Variants in TRIM71 observed in about 807,000 individuals in gnomAD.
TRIM71 encodes tripartite motif containing 71.
Under a neutral mutation model 61.2 loss-of-function variants are expected in TRIM71, and 9 were observed. The observed-to-expected ratio is 0.15, with a 90% CI of 0.09 to 0.26. TRIM71 has a LOEUF of 0.26. TRIM71 is among the 10% of genes least tolerant of loss of function. The pLI is 1.00. For missense variants in TRIM71, 998 were observed against 1,238.7 expected (o/e 0.81, Z 2.92); for synonymous variants, 645 against 553.2 (o/e 1.17, Z -2.33).
Position 32,891,996 on chromosome 3 carries a change from AT to A in TRIM71, c.*192del. 6.3e-6 allele frequency: 5 copies of A among 793,032 alleles called. No individual in the cohort carries two copies. Among genetic ancestry groups the A allele is most frequent in the Non-Finnish European group, 9.3e-6 (5 of 537,944 alleles). 49.1% of individuals were successfully genotyped at this position (793,032 alleles called of 1,614,324 possible). A position where few individuals can be genotyped will look rare whatever the true frequency, so the allele number is the denominator to read the frequency against. On this transcript the variant is annotated 3_prime_UTR_variant, in exon 4 of 4. Coordinates refer to ENST00000383763, the MANE Select transcript of TRIM71 (RefSeq NM_001039111.3). This position sits in a 1 kb window ranked among gnomAD's most constrained non-coding sequence, Gnocchi z 8.2. ...ATTGCTTAAGTCCTACCTCATCTTT[AT>A]TTTTTTACAGATGAATGTACTTATC...
At chr3:32,845,807 G>C (rs887879770) in intron 1 of TRIM71, among the ~76,000 whole-genome samples, 1 of 151,486 alleles carries the variant, frequency 6.6e-6, no homozygotes, top group African/African-American at 2.4e-5. Context: ...TGCAACCTCC[G>C]CCTCCCGGGT....
rs1255639911 is a variant in TRIM71 at position 32,858,930 on chromosome 3, C to T, written c.853-14888C>T. ...AAGAGCTTGTGAATTTTCTTTTTCC[C>T]ACCATAGCAGGTCTGGCTTTTCCCA... On this transcript the variant is annotated intron_variant, in intron 1 of 3. Transcript: ENST00000383763. Among the ~76,000 whole-genome samples the T allele has an allele frequency of 2.6e-5, 4 of 152,218 alleles. No individual in the cohort carries two copies. The East Asian group carries it at 7.7e-4, about 29-fold the overall frequency.
chr3:32,862,560 C>T (rs984045730), intron 1 of TRIM71, among the ~76,000 whole-genome samples: 10 of 152,226 alleles, frequency 6.6e-5, no homozygotes, highest in African/African-American at 2.4e-4. Flanking sequence ...ATGTCAGCCC[C>T]AAAGTACCAC....
Position 32,895,558 on chromosome 3 carries a change from T to C in TRIM71, c.*3747T>C, listed in dbSNP as rs1468659031. 1 of 152,180 alleles carries C rather than the reference T, an allele frequency of 6.6e-6. No individual in the cohort carries two copies. Among genetic ancestry groups the C allele is most frequent in the African/African-American group, 2.4e-5 (1 of 41,440 alleles). 9.4% of individuals were successfully genotyped at this position (152,180 alleles called of 1,614,324 possible). A position where few individuals can be genotyped will look rare whatever the true frequency, so the allele number is the denominator to read the frequency against. On this transcript the variant is annotated 3_prime_UTR_variant, in exon 4 of 4. Coordinates refer to ENST00000383763, the MANE Select transcript of TRIM71 (RefSeq NM_001039111.3). ...TAGGTGGTGAAAGATATGCCAAAGT[T>C]TTAGGCTTGTTTTTCTGATCTTATT...
intron 1 of TRIM71, among the ~76,000 whole-genome samples, chr3:32,871,920 G>A (rs1484167414): frequency 6.6e-6 from 1 of 152,220 alleles, no homozygotes; most frequent in Non-Finnish European, 1.5e-5. Context: ...AAGGTGGGTG[G>A]ATCACGAGGT....
intron 1 of TRIM71, among the ~76,000 whole-genome samples, chr3:32,832,736 TTTTCTACTTC>T (rs1322167620): frequency 6.6e-6 from 1 of 152,158 alleles, no homozygotes; most frequent in Non-Finnish European, 1.5e-5. Flanking sequence ...TTACCTAATT[TTTTCTACTTC>T]TTTCAACATC....
intron 1 of TRIM71, among the ~76,000 whole-genome samples, chr3:32,864,701 C>T (rs1045019386): frequency 3.9e-5 from 6 of 152,204 alleles, no homozygotes; most frequent in African/African-American, 7.2e-5. Flanking sequence ...GGCTCAGGTC[C>T]GGTGTAGAGT....
At chr3:32,837,575 T>C (rs1696349344) in intron 1 of TRIM71, among the ~76,000 whole-genome samples, 1 of 152,156 alleles carries the variant, frequency 6.6e-6, no homozygotes. Flanking sequence ...ATCCCAGCAC[T>C]TTGGGAAGCC....
chr3:32,874,726 A>G (rs1314962040), intron 2 of TRIM71, among the ~76,000 whole-genome samples: 1 of 151,636 alleles, frequency 6.6e-6, no homozygotes, highest in African/African-American at 2.4e-5. Context: ...GTTTCACCAC[A>G]TTGGCCAGGC....
intron 1 of TRIM71, among the ~76,000 whole-genome samples, chr3:32,839,532 G>A (rs986112844): frequency 3.9e-5 from 6 of 151,998 alleles, no homozygotes; most frequent in Admixed American, 3.3e-4. Flanking sequence ...CCCGGAAGAC[G>A]TGATGTTACC....
chr3:32,849,200 G>C (rs927142928), intron 1 of TRIM71, among the ~76,000 whole-genome samples: 4 of 152,150 alleles, frequency 2.6e-5, no homozygotes, highest in Non-Finnish European at 4.4e-5. Flanking sequence ...CAGTCTTGTG[G>C]AGCTACTACT....
chr3:32,896,268 G>A lies in TRIM71; in HGVS notation c.*4457G>A, dbSNP rs1172679079. On this transcript the variant is annotated 3_prime_UTR_variant, in exon 4 of 4. Coordinates refer to ENST00000383763, the MANE Select transcript of TRIM71 (RefSeq NM_001039111.3). ...CTTGGAAACATCAAATATTTGAAGG[G>A]AATGAGAATCCTCTTGACTTCATGA... 6.6e-6 allele frequency: 1 copy of A among 152,162 alleles called. No individual in the cohort carries two copies. Among genetic ancestry groups the A allele is most frequent in the Non-Finnish European group, 1.5e-5 (1 of 68,040 alleles). The allele number at this position is 152,162 out of a possible 1,614,324, so 9.4% of individuals were successfully genotyped here.
chr3:32,886,541 T>C (rs1211156633), intron 3 of TRIM71, among the ~76,000 whole-genome samples: 1 of 152,124 alleles, frequency 6.6e-6, no homozygotes, highest in Non-Finnish European at 1.5e-5. Context: ...GTGTGCTGTT[T>C]AGATAAAAAT....
chr3:32,843,435 G>A (rs985568363), intron 1 of TRIM71, among the ~76,000 whole-genome samples: 3 of 152,102 alleles, frequency 2.0e-5, no homozygotes, highest in African/African-American at 4.8e-5. Context: ...TTACCCAGGG[G>A]CCTCGAAGTA....
chr3:32,831,453 A>G (rs1696269836), intron 1 of TRIM71, among the ~76,000 whole-genome samples: 1 of 152,172 alleles, frequency 6.6e-6, no homozygotes, highest in Non-Finnish European at 1.5e-5. Flanking sequence ...TAATCATGAA[A>G]AAATTTGGCT....
At chr3:32,839,935 A>G (rs1384685678) in intron 1 of TRIM71, among the ~76,000 whole-genome samples, 3 of 152,186 alleles carry the variant, frequency 2.0e-5, no homozygotes, top group Non-Finnish European at 4.4e-5. Context: ...TGAGGACTCT[A>G]CTGGCGATTA....
At chr3:32,848,815 C>T (rs937167104) in intron 1 of TRIM71, among the ~76,000 whole-genome samples, 2 of 152,018 alleles carry the variant, frequency 1.3e-5, no homozygotes, top group Non-Finnish European at 2.9e-5. Context: ...GACTTGAGGT[C>T]ACAGGACAAC....
intron 1 of TRIM71, among the ~76,000 whole-genome samples, chr3:32,868,552 A>T (rs1185351734): frequency 6.6e-6 from 1 of 152,122 alleles, no homozygotes; most frequent in Non-Finnish European, 1.5e-5. Flanking sequence ...CTCTGCACGG[A>T]GTGACCCAGA....
chr3:32,861,468 C>T (rs995531514), intron 1 of TRIM71, among the ~76,000 whole-genome samples: 6 of 151,672 alleles, frequency 4.0e-5, no homozygotes, highest in African/African-American at 1.4e-4. Context: ...CGCGGTGGCT[C>T]ACGCCTGTAA....
Sources: gnomAD v4.1 joint callset for allele counts (sites outside exome capture counted in the v4.1 genomes callset) on GRCh38, gnomAD v4.1.1 for gene constraint, Gnocchi (gnomAD v3.1) non-coding constraint, MANE v1.5 for transcripts, NCBI Gene and HGNC (gene_info 2026-07-23, HGNC 2026-07-21) for gene names.